Variants in TXLNB observed in about 807,000 individuals in gnomAD.
TXLNB encodes the protein beta-taxilin.
TXLNB carries 37 observed loss-of-function variants against 57.4 expected under a neutral mutation model. That is an observed-to-expected ratio of 0.64 (90% CI 0.50 to 0.85). The LOEUF is 0.85. Ranked by LOEUF, TXLNB falls within the 40% of genes least tolerant of loss-of-function variation. TXLNB has a pLI of 0.00. For missense variants in TXLNB, 848 were observed against 825.6 expected (o/e 1.03, Z -0.33); for synonymous variants, 302 against 309.6 (o/e 0.98, Z 0.26).
chr6:139,261,051 C>T (rs1427012199), intron 5 of TXLNB, among the ~76,000 whole-genome samples: 1 of 152,040 alleles, frequency 6.6e-6, no homozygotes, highest in Non-Finnish European at 1.5e-5. Context: ...GTGCAGAGCT[C>T]GCCACACCTT....
At chr6:139,261,362 A>G (rs941779942) in intron 5 of TXLNB, among the ~76,000 whole-genome samples, 12 of 152,056 alleles carry the variant, frequency 7.9e-5, no homozygotes, top group Non-Finnish European at 1.5e-4. Context: ...TTGGCTTACT[A>G]TTAGGAGTTT....
At chr6:139,248,896 T>A (rs1776129117) in intron 7 of TXLNB, among the ~76,000 whole-genome samples, 1 of 152,260 alleles carries the variant, frequency 6.6e-6, no homozygotes, top group Non-Finnish European at 1.5e-5. Context: ...TGTACACCAC[T>A]CTAGGCAGTT....
upstream of TXLNB, among the ~76,000 whole-genome samples, chr6:139,296,973 A>C (rs1777400185): frequency 2.0e-5 from 3 of 152,164 alleles, no homozygotes; most frequent in Admixed American, 2.0e-4. Flanking sequence ...TGCCAATTTC[A>C]ATAGTATCTC....
chr6:139,161,280 T>C, the TXLNB span, among the ~76,000 whole-genome samples: 1 of 152,194 alleles, frequency 6.6e-6, no homozygotes, highest in South Asian at 2.1e-4. Context: ...TATTACTGGG[T>C]GTATTTAACA....
At chr6:139,190,305 C>CTTTTTTTTTT in the TXLNB span, among the ~76,000 whole-genome samples, 17 of 108,866 alleles carry the variant, frequency 1.6e-4, no homozygotes, top group African/African-American at 2.5e-4. Flanking sequence ...TTCTTTCTTT[C>CTTTTTTTTTT]TTTCTTTTTT....
chr6:139,213,619 A>G, the TXLNB span, among the ~76,000 whole-genome samples: 5 of 152,198 alleles, frequency 3.3e-5, no homozygotes, highest in Admixed American at 3.3e-4. Context: ...GCAAGAAATA[A>G]CTAAGATTAG....
the TXLNB span, among the ~76,000 whole-genome samples, chr6:139,321,835 T>C: frequency 6.6e-6 from 1 of 152,054 alleles, no homozygotes; most frequent in African/African-American, 2.4e-5. Flanking sequence ...GGTTTCATTG[T>C]GTTAGCCAGG....
intron 7 of TXLNB, among the ~76,000 whole-genome samples, chr6:139,248,418 C>A (rs935207490): frequency 1.3e-5 from 2 of 151,962 alleles, no homozygotes; most frequent in African/African-American, 2.4e-5. Flanking sequence ...ATCGCTTGAA[C>A]CCAGGAGGCA....
At chr6:139,264,127 G>A (rs1776554047) in intron 4 of TXLNB, among the ~76,000 whole-genome samples, 1 of 152,138 alleles carries the variant, frequency 6.6e-6, no homozygotes, top group Non-Finnish European at 1.5e-5. Context: ...GGGTATTGAA[G>A]ATATCTGTAC....
At position 139,240,566 on chromosome 6, in the gene TXLNB, C is replaced by G. The variant is rs541201127; in HGVS notation, c.*1960G>C. ...TGCCTCTGCAGTGGGGAAGGAGACCCTCCTGGATTATGGTGAATATTTAGC... is the reference window on the plus strand; with the variant it reads ...TGCCTCTGCAGTGGGGAAGGAGACCGTCCTGGATTATGGTGAATATTTAGC... On this transcript the variant is annotated 3_prime_UTR_variant, in exon 10 of 10. Coordinates refer to ENST00000358430, the MANE Select transcript of TXLNB (RefSeq NM_153235.4). The G allele has an allele frequency of 2.4e-4, 37 of 152,732 alleles. No homozygotes were observed. Among genetic ancestry groups the G allele is most frequent in the African/African-American group, 8.9e-4 (37 of 41,550 alleles). 9.5% of individuals were successfully genotyped at this position (152,732 alleles called of 1,614,324 possible).
chr6:139,287,884 A>G (rs1029409697), intron 2 of TXLNB, among the ~76,000 whole-genome samples: 1 of 151,870 alleles, frequency 6.6e-6, no homozygotes, highest in African/African-American at 2.4e-5. Flanking sequence ...TGTTTTCTCT[A>G]TACTTACAGC....
In TXLNB at chr6:139,242,797, A is replaced by G; in HGVS notation, c.1784T>C (p.Val595Ala). The G allele has an allele frequency of 6.2e-7, 1 of 1,614,124 alleles. No homozygotes were observed. The highest frequency in any genetic ancestry group is 8.5e-7 in the Non-Finnish European group (1 of 1,180,004). ...GAETQCEGLP[V>A]GAQADQASWK... ...GGACGCCTGATCAGCCTGTGCTCCAACAGGGAGACCCTCGCATTGGGTTTC... is the reference window on the plus strand; with the variant it reads ...GGACGCCTGATCAGCCTGTGCTCCAGCAGGGAGACCCTCGCATTGGGTTTC... Residue 595 changes from valine to alanine, a missense_variant, in exon 10 of 10, where the codon GTT becomes GCT. By Grantham distance (64) the Val-to-Ala change is moderately conservative. Transcript: ENST00000358430.
At chr6:139,205,275 G>A in the TXLNB span, among the ~76,000 whole-genome samples, 5,305 of 152,220 alleles carry the variant, frequency 0.035, 246 homozygotes, top group African/African-American at 0.11. Context: ...TTACAGGCAT[G>A]CACCACCACA....
At chr6:139,168,480 A>C in the TXLNB span, among the ~76,000 whole-genome samples, 1 of 150,646 alleles carries the variant, frequency 6.6e-6, no homozygotes, top group Admixed American at 6.6e-5. Context: ...AGCTTTACAA[A>C]CCATCTTTCA....
the TXLNB span, among the ~76,000 whole-genome samples, chr6:139,195,003 C>T: frequency 6.6e-6 from 1 of 152,336 alleles, no homozygotes; most frequent in East Asian, 1.9e-4. Flanking sequence ...GTTCTGTAGT[C>T]AGAAGCCTGA....
In TXLNB at chr6:139,270,324, A is replaced by C; in HGVS notation, c.687+132T>G. 8 of 826,020 alleles carry C rather than the reference A, an allele frequency of 9.7e-6. No homozygotes were observed. The South Asian group carries it at 1.5e-4, about 16-fold the overall frequency. 51.2% of individuals were successfully genotyped at this position (826,020 alleles called of 1,614,324 possible). A position where few individuals can be genotyped will look rare whatever the true frequency, so the allele number is the denominator to read the frequency against. ...GTAAAATTATTTAAGGTTACAAGCA[A>C]GCAAGGGGCAGAGGCAGTATTTGAA... On this transcript the variant is annotated intron_variant, in intron 4 of 9. Transcript: ENST00000358430.
the TXLNB span, among the ~76,000 whole-genome samples, chr6:139,217,650 C>T: frequency 0.025 from 3,803 of 152,002 alleles, 168 homozygotes; most frequent in African/African-American, 0.085. Context: ...GGGCAGATCA[C>T]GAGCTCAGAA....
the TXLNB span, among the ~76,000 whole-genome samples, chr6:139,191,232 C>G: frequency 3.3e-5 from 5 of 152,018 alleles, no homozygotes; most frequent in Non-Finnish European, 7.4e-5. Flanking sequence ...CAGCCTGACC[C>G]ACATGGAGAA....
At position 139,241,170 on chromosome 6, in the gene TXLNB, A is replaced by G. The variant is rs191420619; in HGVS notation, c.*1356T>C. ...TTTGCCTTCTCCTGAATCCTCACCT[A>G]TATTTCAAATCATTTTGGTTAAAAT... On this transcript the variant is annotated 3_prime_UTR_variant, in exon 10 of 10. Coordinates refer to ENST00000358430, the MANE Select transcript of TXLNB (RefSeq NM_153235.4). 2.6e-5 allele frequency: 4 copies of G among 152,250 alleles called. No individual in the cohort carries two copies. The highest frequency in any genetic ancestry group is 3.9e-4 in the East Asian group (2 of 5,180). The allele number at this position is 152,250 out of a possible 1,614,324, so 9.4% of individuals were successfully genotyped here. A position where few individuals can be genotyped will look rare whatever the true frequency, so the allele number is the denominator to read the frequency against.
Sources: allele counts gnomAD v4.1 joint callset (sites outside exome capture counted in the v4.1 genomes callset), GRCh38; gene constraint gnomAD v4.1.1; transcripts MANE v1.5; gene names NCBI Gene and HGNC (gene_info 2026-07-23, HGNC 2026-07-21).